Variants in COL11A2 observed in about 807,000 individuals in gnomAD.
The protein encoded by COL11A2 is collagen alpha-2(XI) chain.
Under a neutral mutation model 273.4 loss-of-function variants are expected in COL11A2, and 116 were observed. The observed-to-expected ratio is 0.42, with a 90% CI of 0.36 to 0.49. The LOEUF (loss-of-function observed/expected upper bound fraction) is 0.49, where lower values mean the gene tolerates loss of function less well. COL11A2 is among the 20% of genes least tolerant of loss of function. COL11A2 has a pLI of 0.00. For synonymous variants in COL11A2, 782 were observed against 864.2 expected (o/e 0.90, Z 1.67); for missense variants, 1,866 against 2,309.0 (o/e 0.81, Z 3.93).
Position 33,163,300 on chromosome 6 carries a change from C to G in COL11A2, c.*378G>C. ...CATCTGCTGATTTTTGTTGGCGTTT[C>G]TCTTTTTTGTTATTTTGCTTTCCAC... On this transcript the variant is annotated 3_prime_UTR_variant, in exon 66 of 66. Transcript: ENST00000341947. The surrounding 1 kb of genome is among the most constrained non-coding windows in gnomAD (Gnocchi z 4.1). 4 of 248,720 alleles carry G rather than the reference C, an allele frequency of 1.6e-5. No homozygotes were observed. The highest frequency in any genetic ancestry group is 8.3e-5 in the East Asian group (1 of 12,048). 15.4% of individuals were successfully genotyped at this position (248,720 alleles called of 1,614,324 possible). A position where few individuals can be genotyped will look rare whatever the true frequency, so the allele number is the denominator to read the frequency against.
Position 33,179,695 on chromosome 6 carries a change from T to C in COL11A2, c.1446+24A>G. 2 of 1,608,456 alleles carry C rather than the reference T, an allele frequency of 1.2e-6. No homozygotes were observed. The highest frequency in any genetic ancestry group is 1.7e-6 in the Non-Finnish European group (2 of 1,178,086). ...TCCAGTGCCCCCCAGAGCCTTCCCT[T>C]TCCAGGGAAGCAGCCCCACTCACCC... is the stretch of plus-strand genomic sequence containing the variant. On this transcript the variant is annotated intron_variant, in intron 13 of 65. Transcript: ENST00000341947. The surrounding 1 kb of genome is among the most constrained non-coding windows in gnomAD (Gnocchi z 6.4).
chr6:33,166,053 CA>C lies in COL11A2; in HGVS notation c.4429-70del. The C allele has an allele frequency of 6.2e-7, 1 of 1,610,142 alleles. No individual in the cohort carries two copies. On this transcript the variant is annotated intron_variant, in intron 61 of 65. Coordinates refer to ENST00000341947, the MANE Select transcript of COL11A2 (RefSeq NM_080680.3). The surrounding 1 kb of genome is among the most constrained non-coding windows in gnomAD (Gnocchi z 4.8). ...GCATGGATCAAGGTCACAGAAAGAT[CA>C]AATCAGCCTCCTGGCTGGAATAAGG...
In COL11A2 at chr6:33,180,698, G is replaced by A. The variant is rs913200759; in HGVS notation, c.1254C>T (p.Asn418=). 7 of 1,611,288 alleles carry A rather than the reference G, an allele frequency of 4.3e-6. No homozygotes were observed. The highest frequency in any genetic ancestry group is 5.1e-6 in the Non-Finnish European group (6 of 1,179,260). ...CTCCAGGGTCTCCAACTGGGCCTGGGTTCCCCTGGATGCCAGGGGGACCAA... is the reference window on the plus strand; with the variant it reads ...CTCCAGGGTCTCCAACTGGGCCTGGATTCCCCTGGATGCCAGGGGGACCAA... The part of the protein sequence containing the change: ...GLIGPPGIQG[N]PGPVGDPGER... The change falls in exon 11 of 66, where the codon AAC becomes AAT. Residue 418 remains asparagine (N), a synonymous_variant. Transcript: ENST00000341947.
In COL11A2 at chr6:33,189,724, C is replaced by T. The variant is rs1014263466; in HGVS notation, c.83-255G>A. Among the ~76,000 whole-genome samples, 7 of 152,140 alleles carry T rather than the reference C, an allele frequency of 4.6e-5. No individual in the cohort carries two copies. Among genetic ancestry groups the T allele is most frequent in the African/African-American group, 9.7e-5 (4 of 41,416 alleles). On this transcript the variant is annotated intron_variant, in intron 1 of 65. Transcript: ENST00000341947. The surrounding 1 kb of genome is among the most constrained non-coding windows in gnomAD (Gnocchi z 5.6). Reference sequence around the variant, plus strand: ...TCTCTCCTAGCATCTGCCTCTCTTACGCTCTCTCTTTGTCTTTTAGCTTAT... The same window carrying T: ...TCTCTCCTAGCATCTGCCTCTCTTATGCTCTCTCTTTGTCTTTTAGCTTAT...
In COL11A2 at chr6:33,170,813, T is replaced by C. The variant is rs1769933474; in HGVS notation, c.3471A>G (p.Leu1157=). 1 of 1,612,718 alleles carries C rather than the reference T, an allele frequency of 6.2e-7. No homozygotes were observed. Among genetic ancestry groups the C allele is most frequent in the Non-Finnish European group, 8.5e-7 (1 of 1,179,890 alleles). The change falls in exon 46 of 66, where the codon CTA becomes CTG. Residue 1157 remains leucine, a synonymous_variant. Coordinates refer to ENST00000341947, the MANE Select transcript of COL11A2 (RefSeq NM_080680.3). The surrounding 1 kb of genome is among the most constrained non-coding windows in gnomAD (Gnocchi z 4.3). ...CCTGTCCTATCCCCCAACACACCTG[T>C]AGGCCAATGGGTCCTGGGGGCCCAT... ...GFNGPPGPIG[L]QGLPGPSGEK... is the part of the protein sequence containing the mutation.
chr6:33,174,715 TC>T (rs1273908592), intron 30 of COL11A2, 135 bp from the exon 31 acceptor site: 1 of 807,646 alleles, frequency 1.2e-6, no homozygotes, highest in Non-Finnish European at 2.1e-6. Context: ...CTCTAGCCCC[TC>T]ATTGCTTGCC....
Position 33,180,294 on chromosome 6 carries a change from C to T in COL11A2, c.1323G>A (p.Gly441=). The T allele has an allele frequency of 1.9e-6, 3 of 1,612,954 alleles. No homozygotes were observed. Among genetic ancestry groups the T allele is most frequent in the Non-Finnish European group, 2.5e-6 (3 of 1,180,034 alleles). Residue 441 remains glycine, a synonymous_variant, in exon 12 of 66, where the codon GGG becomes GGA. Coordinates refer to ENST00000341947, the MANE Select transcript of COL11A2 (RefSeq NM_080680.3). ...PGRAGLPGSD[G]APGPPGTSLM... ...GAGATGTGCCAGGAGGACCAGGAGC[C>T]CCATCTGATCCAGGGAGCCCTGCTC...
At chr6:33,193,250 A>G (rs1773404797), upstream of COL11A2, among the ~76,000 whole-genome samples, 2 of 151,850 alleles carry the variant, frequency 1.3e-5, no homozygotes, top group Admixed American at 1.3e-4. Context: ...ACGAGCGGGC[A>G]CGGCGCCGGG....
rs1769159633 is a variant in COL11A2 at position 33,166,459 on chromosome 6, G to A, written c.4392+54C>T. On this transcript the variant is annotated intron_variant, in intron 60 of 65. Coordinates refer to ENST00000341947, the MANE Select transcript of COL11A2 (RefSeq NM_080680.3). This position sits in a 1 kb window ranked among gnomAD's most constrained non-coding sequence, Gnocchi z 4.8. ...CATGGAAGTCGTTGGGAGGCTGTGG[G>A]TGGGCAGCAGAGGGGTTTAGGGGAT... The A allele has an allele frequency of 6.3e-7, 1 of 1,580,742 alleles. No individual in the cohort carries two copies. Among genetic ancestry groups the A allele is most frequent in the African/African-American group, 1.3e-5 (1 of 74,398 alleles).
chr6:33,163,868 C>T lies in COL11A2; in HGVS notation c.5071-50G>A, dbSNP rs1337126734. 2.5e-6 allele frequency: 4 copies of T among 1,612,678 alleles called. No individual in the cohort carries two copies. Among genetic ancestry groups the T allele is most frequent in the Non-Finnish European group, 3.4e-6 (4 of 1,179,784 alleles). ...GTGTGAGCAGGATGGAGGCACCCCCCACCCTCTAACCTCAGGCCCAGGCTC... is the reference window on the plus strand; with the variant it reads ...GTGTGAGCAGGATGGAGGCACCCCCTACCCTCTAACCTCAGGCCCAGGCTC... On this transcript the variant is annotated intron_variant, in intron 65 of 65. Coordinates refer to ENST00000341947, the MANE Select transcript of COL11A2 (RefSeq NM_080680.3). The surrounding 1 kb of genome is among the most constrained non-coding windows in gnomAD (Gnocchi z 4.1).
chr6:33,174,186 G>C lies in COL11A2; in HGVS notation c.2463C>G (p.Ala821=). ...GSLGFPGFPG[A]SGEKGARGLS... is the part of the protein sequence containing the mutation. ...TTACCCGGGCTCCCTTCTCTCCACT[G>C]GCACCAGGAAAGCCAGGAAATCCTA... The change falls in exon 32 of 66, where the codon GCC becomes GCG. Residue 821 remains alanine (A), a synonymous_variant. Coordinates refer to ENST00000341947, the MANE Select transcript of COL11A2 (RefSeq NM_080680.3). 1 of 1,582,040 alleles carries C rather than the reference G, an allele frequency of 6.3e-7. No individual in the cohort carries two copies. Among genetic ancestry groups the C allele is most frequent in the Non-Finnish European group, 8.6e-7 (1 of 1,163,632 alleles).
In COL11A2 at chr6:33,173,232, C is replaced by A; in HGVS notation, c.2736+116G>T. 2 of 1,521,722 alleles carry A rather than the reference C, an allele frequency of 1.3e-6. No individual in the cohort carries two copies. Among genetic ancestry groups the A allele is most frequent in the Non-Finnish European group, 1.8e-6 (2 of 1,109,920 alleles). 94.3% of individuals were successfully genotyped at this position (1,521,722 alleles called of 1,614,324 possible). A position where few individuals can be genotyped will look rare whatever the true frequency, so the allele number is the denominator to read the frequency against. On this transcript the variant is annotated intron_variant, in intron 37 of 65. Transcript: ENST00000341947. This position sits in a 1 kb window ranked among gnomAD's most constrained non-coding sequence, Gnocchi z 6.3. Reference sequence around the variant, plus strand: ...AGCCCTGGGCCCTGGGTCTGAGCAGCACCAGGGCAGGCTCCACTCTGCCAG... The same window carrying A: ...AGCCCTGGGCCCTGGGTCTGAGCAGAACCAGGGCAGGCTCCACTCTGCCAG...
Position 33,189,210 on chromosome 6 carries a change from C to T in COL11A2, c.233-22G>A. Reference sequence around the variant, plus strand: ...CCTCCTAGTAACCGAGAGAGATACACACAGAGTGAGAGGCAAAGGGAGCCG... The same window carrying T: ...CCTCCTAGTAACCGAGAGAGATACATACAGAGTGAGAGGCAAAGGGAGCCG... On this transcript the variant is annotated intron_variant, in intron 2 of 65. Transcript: ENST00000341947. The surrounding 1 kb of genome is among the most constrained non-coding windows in gnomAD (Gnocchi z 5.6). 6.2e-7 allele frequency: 1 copy of T among 1,613,188 alleles called. No individual in the cohort carries two copies. The highest frequency in any genetic ancestry group is 1.3e-5 in the African/African-American group (1 of 75,004).
In COL11A2 at chr6:33,190,712, G is replaced by A. The variant is rs2855424; in HGVS notation, c.83-1243C>T. ...ACCCCCACCTAAGCCTGGCCCCTGC[G>A]CGTGTGGCAGCTCCGCAAACACCAA... is the stretch of plus-strand genomic sequence containing the variant. On this transcript the variant is annotated intron_variant, in intron 1 of 65. Transcript: ENST00000341947. This position sits in a 1 kb window ranked among gnomAD's most constrained non-coding sequence, Gnocchi z 4.5. 7.2e-5 allele frequency among the ~76,000 whole-genome samples: 11 copies of A among 151,816 alleles called. No individual in the cohort carries two copies. Among genetic ancestry groups the A allele is most frequent in the African/African-American group, 2.7e-4 (11 of 41,278 alleles).
rs373638282 is a variant in COL11A2 at position 33,167,184 on chromosome 6, G to A, written c.4177-61C>T. On this transcript the variant is annotated intron_variant, in intron 57 of 65. Transcript: ENST00000341947. The surrounding 1 kb of genome is among the most constrained non-coding windows in gnomAD (Gnocchi z 6.1). Reference sequence around the variant, plus strand: ...AGGTGGGACCAAGTTCTCCCCAACAGCCTCCACTTCCTCCAGGGCTTCAGC... The same window carrying A: ...AGGTGGGACCAAGTTCTCCCCAACAACCTCCACTTCCTCCAGGGCTTCAGC... The A allele has an allele frequency of 1.2e-6, 2 of 1,613,224 alleles. No individual in the cohort carries two copies. Among genetic ancestry groups the A allele is most frequent in the Non-Finnish European group, 1.7e-6 (2 of 1,179,198 alleles).
chr6:33,173,722 G>T lies in COL11A2; in HGVS notation c.2607C>A (p.Pro869=). 6.3e-7 allele frequency: 1 copy of T among 1,579,614 alleles called. No individual in the cohort carries two copies. The highest frequency in any genetic ancestry group is 8.6e-7 in the Non-Finnish European group (1 of 1,161,330). The part of the protein sequence containing the change: ...GAKGTSGGDG[P]HGPPGERGLP... ...TCACCCTCTCTCCAGGGGGCCCATG[G>T]GGGCCATCACCACCAGATGTTCCCT... Residue 869 remains proline (P), a synonymous_variant, in exon 35 of 66, where the codon CCC becomes CCA. Coordinates refer to ENST00000341947, the MANE Select transcript of COL11A2 (RefSeq NM_080680.3). The surrounding 1 kb of genome is among the most constrained non-coding windows in gnomAD (Gnocchi z 6.3).
At position 33,172,301 on chromosome 6, in the gene COL11A2, G is replaced by T; in HGVS notation, c.2976C>A (p.Leu992=). The T allele has an allele frequency of 6.3e-7, 1 of 1,586,252 alleles. No individual in the cohort carries two copies. The change falls in exon 40 of 66, where the codon CTC becomes CTA. Residue 992 remains leucine (L), a synonymous_variant. Coordinates refer to ENST00000341947, the MANE Select transcript of COL11A2 (RefSeq NM_080680.3). The part of the protein sequence containing the change: ...GLRGFPGERG[L]PGTAGGPGLK... ...GAGTCACACTCACAGCAGTGCCTGG[G>T]AGGCCTCTCTCTCCTGGGAATCCCC...
rs910075621 is a variant in COL11A2, at chr6:33,178,577, T to TG, written c.1720-90_1720-89insC. The stretch of plus-strand genomic sequence containing the variant: ...TCTGCACTTAGCCCATCCATTACTT[T>TG]CACTGAGCTCCTGCCAAGCCTCCAG... On this transcript the variant is annotated intron_variant, in intron 18 of 65. Coordinates refer to ENST00000341947, the MANE Select transcript of COL11A2 (RefSeq NM_080680.3). This position sits in a 1 kb window ranked among gnomAD's most constrained non-coding sequence, Gnocchi z 4.6. 6.2e-7 allele frequency: 1 copy of TG among 1,607,792 alleles called. No individual in the cohort carries two copies. The highest frequency in any genetic ancestry group is 8.5e-7 in the Non-Finnish European group (1 of 1,175,834).
chr6:33,192,604 C>T (rs1432412571), upstream of COL11A2: 2 of 403,188 alleles, frequency 5.0e-6, no homozygotes, highest in Non-Finnish European at 9.1e-6. Context: ...GGCGGGAACC[C>T]TCCCTCTATC....
Sources: allele counts gnomAD v4.1 joint callset (sites outside exome capture counted in the v4.1 genomes callset), GRCh38; gene constraint gnomAD v4.1.1; non-coding constraint Gnocchi (gnomAD v3.1); transcripts MANE v1.5; gene names NCBI Gene and HGNC (gene_info 2026-07-23, HGNC 2026-07-21).